Variants in STOX2 observed in about 807,000 individuals in gnomAD.
STOX2 encodes storkhead box 2.
A neutral mutation model predicts 60.9 loss-of-function variants in STOX2; 28 were observed. That is an observed-to-expected ratio of 0.46 (90% CI 0.34 to 0.63). The LOEUF (loss-of-function observed/expected upper bound fraction) is 0.63. STOX2 is among the 30% of genes least tolerant of loss of function. STOX2 has a pLI of 0.01. For missense variants in STOX2, 1,024 were observed against 1,187.7 expected, an observed-to-expected ratio of 0.86 and a Z score of 2.03; for synonymous variants, 472 against 463.9, an observed-to-expected ratio of 1.02 and a Z score of -0.22.
chr4:183,891,949 C>T (rs1741224660), intron 1 of STOX2, among the ~76,000 whole-genome samples: 1 of 152,158 alleles, frequency 6.6e-6, no homozygotes, highest in Non-Finnish European at 1.5e-5. Context: ...CTTTTGTTTT[C>T]CCCATGTTCC....
rs201592924 is a variant in STOX2 at position 184,002,919 on chromosome 4, G to T, written c.319+1442G>T. On this transcript the variant is annotated intron_variant, in intron 2 of 3. Transcript: ENST00000308497. ...AATGTGTTTTGATAATATGTATATGGTTCAAAATCTCTAACATGAACCCAC... is the reference window on the plus strand; with the variant it reads ...AATGTGTTTTGATAATATGTATATGTTTCAAAATCTCTAACATGAACCCAC... Among the ~76,000 whole-genome samples, 11 of 152,228 alleles carry T rather than the reference G, an allele frequency of 7.2e-5. No homozygotes were observed. In the East Asian group the frequency reaches 2.1e-3, roughly 29 times the overall value.
chr4:183,826,830 G>A (rs1163348871), intron 1 of STOX2, among the ~76,000 whole-genome samples: 3 of 152,260 alleles, frequency 2.0e-5, no homozygotes, highest in Non-Finnish European at 4.4e-5. Flanking sequence ...GAGAAAGGCT[G>A]TGTTTTATGT....
At position 184,011,573 on chromosome 4, in the gene STOX2, G is replaced by A. The variant is rs1734176971; in HGVS notation, c.2585+150G>A. The A allele has an allele frequency of 1.3e-6, 2 of 1,543,178 alleles. No homozygotes were observed. Among genetic ancestry groups the A allele is most frequent in the Admixed American group, 2.0e-5 (1 of 51,002 alleles). On this transcript the variant is annotated intron_variant, in intron 3 of 3. Coordinates refer to ENST00000308497, the MANE Select transcript of STOX2 (RefSeq NM_020225.3). The surrounding 1 kb of genome is among the most constrained non-coding windows in gnomAD (Gnocchi z 4.4). ...GTTGTATTGTTAACAATCTGTTTCT[G>A]ACTTCTTTTTCAGGAATTGAAAAAA...
chr4:183,994,544 C>T (rs527538849), intron 1 of STOX2, among the ~76,000 whole-genome samples: 2 of 152,268 alleles, frequency 1.3e-5, no homozygotes, highest in East Asian at 1.9e-4. Flanking sequence ...GCTAGACACC[C>T]GTGCCATATG....
rs996471767 is a variant in STOX2, at chr4:183,954,170, G to A, written c.167-47155G>A. On this transcript the variant is annotated intron_variant, in intron 1 of 3. Transcript: ENST00000308497. Reference sequence around the variant, plus strand: ...AAACTAAAAGAACATCCACTGCACCGTGGAGCACTTCTTGTCACGTTGCAG... The same window carrying A: ...AAACTAAAAGAACATCCACTGCACCATGGAGCACTTCTTGTCACGTTGCAG... 4.3e-4 allele frequency among the ~76,000 whole-genome samples: 66 copies of A among 152,312 alleles called. 1 individual carries two copies. Among genetic ancestry groups the A allele is most frequent in the Middle Eastern group, 3.4e-3 (1 of 294 alleles).
rs1297222208 is a variant in STOX2 at position 183,873,006 on chromosome 4, C to T, written c.364+74951C>T. On this transcript the variant is annotated intron_variant, in intron 1 of 2. Transcript: ENST00000513034. ...TGTCTATAAGCTGTGAATGTTACTT[C>T]TCAGATTTTTAAAGTGTTACTTACT... Among the ~76,000 whole-genome samples the T allele has an allele frequency of 3.3e-5, 5 of 152,154 alleles. No homozygotes were observed. The East Asian group carries it at 9.6e-4, about 29-fold the overall frequency.
chr4:184,010,740 A>C lies in STOX2; in HGVS notation c.1902A>C (p.Lys634Asn). The change falls in exon 3 of 4, where the codon AAA (lysine) becomes AAC (asparagine). Residue 634 changes from lysine (K) to asparagine (N), a missense_variant. Around this residue, in one of 3 missense-constraint regions of STOX2, gnomAD observed 922 missense variants for 1,058.3 expected, o/e 0.87. Transcript: ENST00000308497. This position sits in a 1 kb window ranked among gnomAD's most constrained non-coding sequence, Gnocchi z 4.5. ...CTCTGACTTTGGCAGAAGGGGTGAA[A>C]AAGCTCTCCCCTTCTGATAGGCAGG... ...HDTLTLAEGV[K>N]KLSPSDRQVP... is the part of the protein sequence containing the mutation. The C allele has an allele frequency of 6.3e-7, 1 of 1,593,380 alleles. No homozygotes were observed. The highest frequency in any genetic ancestry group is 1.2e-5 in the South Asian group (1 of 86,850).
chr4:183,914,490 T>C (rs1345656907), intron 1 of STOX2, among the ~76,000 whole-genome samples: 2 of 152,144 alleles, frequency 1.3e-5, no homozygotes, highest in East Asian at 3.8e-4. Flanking sequence ...TTTGTTGTTG[T>C]TGGAAGAATG....
intron 1 of STOX2, among the ~76,000 whole-genome samples, chr4:183,983,938 G>A (rs1037499222): frequency 6.6e-6 from 1 of 152,172 alleles, no homozygotes; most frequent in Non-Finnish European, 1.5e-5. Flanking sequence ...GCCACCGTGC[G>A]CCATGTTCTG....
chr4:183,891,762 A>G (rs1172605957), intron 1 of STOX2, among the ~76,000 whole-genome samples: 1 of 152,186 alleles, frequency 6.6e-6, no homozygotes, highest in Non-Finnish European at 1.5e-5. Flanking sequence ...ATGGAAGAAC[A>G]GAAGTATTCA....
chr4:183,996,751 A>T (rs577899056), intron 1 of STOX2, among the ~76,000 whole-genome samples: 7 of 152,234 alleles, frequency 4.6e-5, no homozygotes, highest in African/African-American at 1.7e-4. Context: ...CATTTTTATT[A>T]ATTTTTAATT....
intron 1 of STOX2, among the ~76,000 whole-genome samples, chr4:183,879,139 G>A (rs1045124817): frequency 4.6e-5 from 7 of 152,146 alleles, no homozygotes; most frequent in South Asian, 4.1e-4. Flanking sequence ...AAGATTAGAC[G>A]TGTGTATGGG....
intron 1 of STOX2, among the ~76,000 whole-genome samples, chr4:183,809,392 CT>C (rs1738984651): frequency 6.9e-6 from 1 of 145,352 alleles, no homozygotes; most frequent in Non-Finnish European, 1.5e-5. Context: ...CTGGCCTGAT[CT>C]GATTTTTATT....
upstream of STOX2, among the ~76,000 whole-genome samples, chr4:183,904,035 G>A (rs1043536586): frequency 6.6e-6 from 1 of 152,220 alleles, no homozygotes; most frequent in African/African-American, 2.4e-5. Context: ...GAGGTGATGG[G>A]AGACAGTGAT....
chr4:183,971,270 C>T (rs577078386), intron 1 of STOX2, among the ~76,000 whole-genome samples: 1 of 152,344 alleles, frequency 6.6e-6, no homozygotes, highest in African/African-American at 2.4e-5. Flanking sequence ...GTAATGCCCT[C>T]AGCCAGGGCT....
At chr4:183,989,169 G>GTTTTT (rs11421201) in intron 1 of STOX2, among the ~76,000 whole-genome samples, 26 of 79,944 alleles carry the variant, frequency 3.3e-4, no homozygotes, top group African/African-American at 5.8e-4. Context: ...ATTTTTTCTG[G>GTTTTT]TTTTTTTTTT....
chr4:183,873,553 GC>G (rs1267827531), intron 1 of STOX2, among the ~76,000 whole-genome samples: 3 of 152,094 alleles, frequency 2.0e-5, no homozygotes, highest in African/African-American at 7.2e-5. Context: ...TGGTGACTGT[GC>G]TAGTAACACA....
rs1480629007 is a variant in STOX2, at chr4:183,821,342, G to A, written c.364+23287G>A. Among the ~76,000 whole-genome samples, 3 of 152,166 alleles carry A rather than the reference G, an allele frequency of 2.0e-5. No individual in the cohort carries two copies. Among genetic ancestry groups the A allele is most frequent in the Non-Finnish European group, 4.4e-5 (3 of 68,032 alleles). On this transcript the variant is annotated intron_variant, in intron 1 of 2. Coordinates refer to the STOX2 transcript ENST00000513034. The surrounding 1 kb of genome is among the most constrained non-coding windows in gnomAD (Gnocchi z 4.2). ...TATTTTCCTCCCTGTCTTAATAGGT[G>A]GAAGCCTGTGCTAGCAGGTAGAGGA... is the stretch of plus-strand genomic sequence containing the variant.
chr4:183,959,338 G>C (rs1206660141), intron 1 of STOX2, among the ~76,000 whole-genome samples: 2 of 151,992 alleles, frequency 1.3e-5, no homozygotes, highest in Non-Finnish European at 2.9e-5. Context: ...CGGAAGGGGG[G>C]GTTTTCAAAA....
Sources: gnomAD v4.1 joint callset for allele counts (sites outside exome capture counted in the v4.1 genomes callset) on GRCh38, gnomAD v4.1.1 for gene constraint, gnomAD v4.1.1 regional missense constraint, Gnocchi (gnomAD v3.1) non-coding constraint, MANE v1.5 for transcripts, NCBI Gene and HGNC (gene_info 2026-07-23, HGNC 2026-07-21) for gene names.